The following CACNA2D3 variants were observed in gnomAD, a reference collection of about 807,000 sequenced individuals.
CACNA2D3 encodes the protein calcium voltage-gated channel auxiliary subunit alpha2delta 3.
A neutral mutation model predicts 160.6 loss-of-function variants in CACNA2D3; 60 were observed. That is an observed-to-expected ratio of 0.37 (90% CI 0.30 to 0.46). The LOEUF (loss-of-function observed/expected upper bound fraction) is 0.46. Among genes scored for constraint, CACNA2D3 ranks in the 20% least tolerant of loss-of-function variants. CACNA2D3 has a pLI of 1.00. For missense variants in CACNA2D3, 1,205 were observed against 1,365.0 expected (o/e 0.88, Z 1.85); for synonymous variants, 558 against 492.9 (o/e 1.13, Z -1.75).
At chr3:54,520,276 T>C (rs934760059) in intron 5 of CACNA2D3, among the ~76,000 whole-genome samples, 2 of 152,266 alleles carry the variant, frequency 1.3e-5, no homozygotes, top group African/African-American at 4.8e-5. Flanking sequence ...ACCAGCACCA[T>C]CTCCCTTCCT....
Position 54,296,634 on chromosome 3 carries a change from G to T in CACNA2D3, c.205-23808G>T, listed in dbSNP as rs188908491. 1.8e-3 allele frequency among the ~76,000 whole-genome samples: 267 copies of T among 152,254 alleles called. 1 individual carries two copies. Among genetic ancestry groups the T allele is most frequent in the African/African-American group, 5.7e-3 (237 of 41,542 alleles). ...ACACGATATGATATAGAGGCCACTG[G>T]GCTGCAGAGTAGTCATTAGCTTTCC... On this transcript the variant is annotated intron_variant, in intron 2 of 37. Coordinates refer to ENST00000474759, the MANE Select transcript of CACNA2D3 (RefSeq NM_018398.3).
intron 9 of CACNA2D3, among the ~76,000 whole-genome samples, chr3:54,618,352 C>CATATATATATATATATAT (rs140732966): frequency 1.7e-4 from 20 of 119,890 alleles, no homozygotes; most frequent in African/African-American, 5.4e-4. Context: ...TTGATACATA[C>CATATATATATATATATAT]ATATATATAT....
chr3:54,190,105 G>T (rs1362104074), intron 2 of CACNA2D3, among the ~76,000 whole-genome samples: 1 of 152,190 alleles, frequency 6.6e-6, no homozygotes, highest in African/African-American at 2.4e-5. Flanking sequence ...TGGAAGGAAT[G>T]AGCTAGCTCT....
In CACNA2D3 at chr3:55,007,857, C is replaced by T; in HGVS notation, c.2819+15C>T. The T allele has an allele frequency of 6.6e-7, 1 of 1,509,332 alleles. No individual in the cohort carries two copies. The highest frequency in any genetic ancestry group is 8.8e-7 in the Non-Finnish European group (1 of 1,130,476). 93.5% of individuals were successfully genotyped at this position (1,509,332 alleles called of 1,614,324 possible). On this transcript the variant is annotated intron_variant, in intron 33 of 37. Transcript: ENST00000474759. Reference sequence around the variant, plus strand: ...GAACTTGTCTTGTAAGTAAAATCTGCTGCATTTTTTTGAAAAGTATTAATA... The same window carrying T: ...GAACTTGTCTTGTAAGTAAAATCTGTTGCATTTTTTTGAAAAGTATTAATA...
At chr3:54,485,096 C>T (rs988750695) in intron 4 of CACNA2D3, among the ~76,000 whole-genome samples, 5 of 152,112 alleles carry the variant, frequency 3.3e-5, no homozygotes, top group African/African-American at 7.2e-5. Context: ...TTGCCCGCCT[C>T]GGCCTCCCAA....
chr3:54,494,443 C>T (rs534015762), intron 4 of CACNA2D3, among the ~76,000 whole-genome samples: 14 of 152,178 alleles, frequency 9.2e-5, no homozygotes, highest in Non-Finnish European at 1.8e-4. Context: ...TTCTGGGCAG[C>T]GCAGATTATT....
At chr3:54,544,560 T>G (rs545917339) in intron 5 of CACNA2D3, among the ~76,000 whole-genome samples, 1 of 152,286 alleles carries the variant, frequency 6.6e-6, no homozygotes, top group South Asian at 2.1e-4. Flanking sequence ...TGCACCACTG[T>G]GCCTAGTCTA....
At chr3:54,840,155 G>C (rs566307950) in intron 16 of CACNA2D3, among the ~76,000 whole-genome samples, 1 of 152,046 alleles carries the variant, frequency 6.6e-6, no homozygotes, top group East Asian at 1.9e-4. Flanking sequence ...CCTAAGCACC[G>C]AGCCACTACT....
intron 3 of CACNA2D3, among the ~76,000 whole-genome samples, chr3:54,360,171 C>A (rs931317044): frequency 1.3e-5 from 2 of 152,126 alleles, no homozygotes; most frequent in Non-Finnish European, 2.9e-5. Context: ...ACTGAAACTG[C>A]AGAGTTGGCC....
chr3:54,768,197 T>C (rs1159208818), intron 13 of CACNA2D3, among the ~76,000 whole-genome samples: 3 of 152,200 alleles, frequency 2.0e-5, no homozygotes, highest in Non-Finnish European at 4.4e-5. Flanking sequence ...AGTGGGATAC[T>C]ATGTACACTG....
In CACNA2D3 at chr3:54,131,690, G is replaced by A. The variant is rs1699711612; in HGVS notation, c.204+8096G>A. On this transcript the variant is annotated intron_variant, in intron 2 of 37. Coordinates refer to ENST00000474759, the MANE Select transcript of CACNA2D3 (RefSeq NM_018398.3). ...AGTTCATAAAATTAAGGCAGTGTATGTTATGCACATTTAGTGTGGCAGGGG... is the reference window on the plus strand; with the variant it reads ...AGTTCATAAAATTAAGGCAGTGTATATTATGCACATTTAGTGTGGCAGGGG... Among the ~76,000 whole-genome samples the A allele has an allele frequency of 3.9e-5, 6 of 152,200 alleles. No individual in the cohort carries two copies. The South Asian group carries it at 1.0e-3, about 26-fold the overall frequency.
chr3:54,938,041 A>G (rs113963753), intron 27 of CACNA2D3, among the ~76,000 whole-genome samples: 246 of 152,356 alleles, frequency 1.6e-3, no homozygotes, highest in African/African-American at 5.7e-3. Context: ...TTTCACAAGC[A>G]TTATGAAATC....
chr3:54,412,238 TCTC>T (rs1207927323), intron 4 of CACNA2D3, among the ~76,000 whole-genome samples: 2 of 152,068 alleles, frequency 1.3e-5, no homozygotes, highest in African/African-American at 2.4e-5. Flanking sequence ...TTCACTGCAT[TCTC>T]CTCTCTCTCA....
intron 13 of CACNA2D3, 95 bp from the exon 14 acceptor site, chr3:54,816,758 A>G: frequency 6.9e-7 from 1 of 1,444,078 alleles, no homozygotes; most frequent in South Asian, 1.2e-5. Flanking sequence ...TGGTTTCTCC[A>G]TTTGCAAATG....
At chr3:55,073,391 GC>G in intron 35 of CACNA2D3, 53 bp from the exon 36 acceptor site, 3 of 1,360,098 alleles carry the variant, frequency 2.2e-6, no homozygotes, top group Non-Finnish European at 3.2e-6. Context: ...CTTCCTCATG[GC>G]TCTTTAATTG....
At chr3:54,973,023 A>G (rs1702309977) in intron 29 of CACNA2D3, among the ~76,000 whole-genome samples, 1 of 152,102 alleles carries the variant, frequency 6.6e-6, no homozygotes, top group Non-Finnish European at 1.5e-5. Flanking sequence ...ATGATCATCA[A>G]TTGTGGTAAG....
At chr3:54,240,567 G>T (rs1448213274) in intron 2 of CACNA2D3, among the ~76,000 whole-genome samples, 2 of 152,166 alleles carry the variant, frequency 1.3e-5, no homozygotes, top group Non-Finnish European at 2.9e-5. Context: ...TTTTCTCCTA[G>T]TAAGTGAGGA....
intron 27 of CACNA2D3, among the ~76,000 whole-genome samples, chr3:54,919,780 G>A (rs551105013): frequency 1.6e-4 from 24 of 152,340 alleles, no homozygotes; most frequent in African/African-American, 5.8e-4. Context: ...ACAAAGCACT[G>A]TTAGATAAGT....
At chr3:54,282,311 A>T (rs771829822) in intron 2 of CACNA2D3, among the ~76,000 whole-genome samples, 1 of 152,194 alleles carries the variant, frequency 6.6e-6, no homozygotes, top group African/African-American at 2.4e-5. Flanking sequence ...AGGTATAGAG[A>T]TGCTTTGGAA....
Sources: gnomAD v4.1 joint callset for allele counts (sites outside exome capture counted in the v4.1 genomes callset) on GRCh38, gnomAD v4.1.1 for gene constraint, MANE v1.5 for transcripts, NCBI Gene and HGNC (gene_info 2026-07-23, HGNC 2026-07-21) for gene names.